ALG11: variants seen among roughly 807,000 people sequenced by gnomAD.
ALG11 encodes GDP-Man:Man(3)GlcNAc(2)-PP-Dol alpha-1,2-mannosyltransferase.
A neutral mutation model predicts 38.8 loss-of-function variants in ALG11; 26 were observed. The ratio of observed to expected loss-of-function variants is 0.67; its 90% confidence interval spans 0.49 to 0.93. The LOEUF is 0.93. Ranked by LOEUF, ALG11 falls within the 40% of genes least tolerant of loss-of-function variation. The pLI, the probability that ALG11 is intolerant of heterozygous loss-of-function variation, is 0.00. For missense variants in ALG11, 535 were observed against 578.8 expected (o/e 0.92, Z 0.78); for synonymous variants, 199 against 211.6 (o/e 0.94, Z 0.52).
At chr13:52,026,710 C>T (rs1269495720) in intron 3 of ALG11, among the ~76,000 whole-genome samples, 2 of 152,172 alleles carry the variant, frequency 1.3e-5, no homozygotes, top group African/African-American at 2.4e-5. Context: ...GAGCAAATGC[C>T]ATTAATGAGC....
rs1391619405 is a variant in ALG11 at position 52,032,366 on chromosome 13, A to C, written c.*3776A>C. 1.2e-5 allele frequency: 2 copies of C among 167,150 alleles called. No individual in the cohort carries two copies. Among genetic ancestry groups the C allele is most frequent in the Non-Finnish European group, 2.9e-5 (2 of 68,134 alleles). The allele number at this position is 167,150 out of a possible 1,614,324, so 10.4% of individuals were successfully genotyped here. On this transcript the variant is annotated 3_prime_UTR_variant, in exon 4 of 4. Transcript: ENST00000521508. ...TAGGCCAGTAGCTAGGAATTGGTAT[A>C]AATTTAATGCACCTTCTATCCTGAA...
chr13:52,026,088 G>A (rs909753922), intron 3 of ALG11, among the ~76,000 whole-genome samples: 7 of 152,234 alleles, frequency 4.6e-5, no homozygotes, highest in Non-Finnish European at 8.8e-5. Flanking sequence ...GTGCCGTGCC[G>A]TGCTGTGCCG....
chr13:52,023,099 A>G (rs1218746146), intron 2 of ALG11: 1 of 152,258 alleles, frequency 6.6e-6, no homozygotes, highest in Non-Finnish European at 1.5e-5. Flanking sequence ...TCTAGCTTTT[A>G]AAGACTTGCA....
At position 52,024,465 on chromosome 13, in the gene ALG11, A is replaced by T. The variant is rs1593903213; in HGVS notation, c.735A>T (p.Gly245=). Residue 245 remains glycine, a synonymous_variant, in exon 3 of 4, where the codon GGA becomes GGT. Transcript: ENST00000521508. The part of the protein sequence containing the change: ...IYYYLFAFIY[G]LVGSCSDVVM... ...ACTATTTATTTGCTTTTATTTATGG[A>T]CTTGTTGGTTCTTGCAGTGATGTAG... is the stretch of plus-strand genomic sequence containing the variant. 6.2e-7 allele frequency: 1 copy of T among 1,614,094 alleles called. No homozygotes were observed. The highest frequency in any genetic ancestry group is 1.7e-5 in the Admixed American group (1 of 60,004).
rs1318405112 is a variant in ALG11 at position 52,033,330 on chromosome 13, A to AAAG, written c.*4741_*4743dup. ...ATTCTTATTTACAGTTGTGTACTATAAAGTGTGTGTTACATAGGTTTTGTG... is the reference window on the plus strand; with the variant it reads ...ATTCTTATTTACAGTTGTGTACTATAAAGAAGTGTGTGTTACATAGGTTTTGTG... On this transcript the variant is annotated 3_prime_UTR_variant, in exon 4 of 4. Transcript: ENST00000521508. 13 of 167,236 alleles carry AAAG rather than the reference A, an allele frequency of 7.8e-5. No homozygotes were observed. The highest frequency in any genetic ancestry group is 5.9e-4 in the Admixed American group (9 of 15,310). The allele number at this position is 167,236 out of a possible 1,614,324, so 10.4% of individuals were successfully genotyped here.
chr13:52,013,837 C>T (rs1384375559), intron 1 of ALG11, among the ~76,000 whole-genome samples: 1 of 152,206 alleles, frequency 6.6e-6, no homozygotes, highest in Non-Finnish European at 1.5e-5. Context: ...CAAGGCCCTT[C>T]AATGGATCCT....
chr13:52,026,989 G>A (rs1315166074), intron 3 of ALG11, among the ~76,000 whole-genome samples: 1 of 152,056 alleles, frequency 6.6e-6, no homozygotes, highest in African/African-American at 2.4e-5. Flanking sequence ...ATGGAGAGGC[G>A]GGGAAAGCCA....
chr13:52,025,032 G>A (rs1360178147), intron 3 of ALG11, 95 bp downstream of exon 3: 79 of 1,365,828 alleles, frequency 5.8e-5, no homozygotes, highest in Non-Finnish European at 7.9e-5. Flanking sequence ...TCTGCATCAT[G>A]CCCTAATTCT....
Position 52,031,003 on chromosome 13 carries a change from A to G in ALG11, c.*2413A>G, listed in dbSNP as rs1395433732. Reference sequence around the variant, plus strand: ...GCCATATCATTAAGCCCATAAAAGCAGAGGATGTGGGCTACCAGTCTTCCT... The same window carrying G: ...GCCATATCATTAAGCCCATAAAAGCGGAGGATGTGGGCTACCAGTCTTCCT... On this transcript the variant is annotated 3_prime_UTR_variant, in exon 4 of 4. Transcript: ENST00000521508. 1.2e-6 allele frequency: 2 copies of G among 1,614,212 alleles called. No individual in the cohort carries two copies. The highest frequency in any genetic ancestry group is 4.5e-5 in the East Asian group (2 of 44,882).
intron 1 of ALG11, 141 bp downstream of exon 1, chr13:52,012,603 T>C (rs1954082547): frequency 8.4e-7 from 1 of 1,188,144 alleles, no homozygotes; most frequent in Non-Finnish European, 1.2e-6. Context: ...GAGCAGTCTT[T>C]CTTTTTCTTG....
At chr13:52,015,782 G>A (rs975941445) in intron 1 of ALG11, 1 of 152,420 alleles carries the variant, frequency 6.6e-6, no homozygotes, top group African/African-American at 2.4e-5. Context: ...TTTGTTCCCA[G>A]TTTCGAGTAT....
At chr13:52,020,228 A>G (rs1954173016) in intron 2 of ALG11, among the ~76,000 whole-genome samples, 1 of 152,180 alleles carries the variant, frequency 6.6e-6, no homozygotes, top group Non-Finnish European at 1.5e-5. Flanking sequence ...TACATCTTTT[A>G]ATATTTGAGG....
rs756963714 is a variant in ALG11 at position 52,030,304 on chromosome 13, A to G, written c.*1714A>G. ...CAGAAGAAGCGGAACCCCTATTGCT[A>G]CAGAGGTCAGAGAGAGTACAAACTC... On this transcript the variant is annotated 3_prime_UTR_variant, in exon 4 of 4. Coordinates refer to ENST00000521508, the MANE Select transcript of ALG11 (RefSeq NM_001004127.3). 11 of 1,614,132 alleles carry G rather than the reference A, an allele frequency of 6.8e-6. No individual in the cohort carries two copies. Among genetic ancestry groups the G allele is most frequent in the Non-Finnish European group, 9.3e-6 (11 of 1,180,048 alleles).
chr13:52,012,657 C>G (rs1188195270), intron 1 of ALG11, among the ~76,000 whole-genome samples, 195 bp downstream of exon 1: 2 of 152,124 alleles, frequency 1.3e-5, no homozygotes, highest in African/African-American at 4.8e-5. Flanking sequence ...CTTAAAGACT[C>G]AATTTACCGC....
chr13:52,031,087 TAAA>T lies in ALG11; in HGVS notation c.*2498_*2500del, dbSNP rs770915585. ...CAAAACGAATCACCACACGTCACAA[TAAA>T]GAAGAAAAACTGTAGGTTGTGTAGC... On this transcript the variant is annotated 3_prime_UTR_variant, in exon 4 of 4. Transcript: ENST00000521508. 21 of 1,611,028 alleles carry T rather than the reference TAAA, an allele frequency of 1.3e-5. No individual in the cohort carries two copies. Among genetic ancestry groups the T allele is most frequent in the Admixed American group, 8.4e-5 (5 of 59,382 alleles).
In ALG11 at chr13:52,033,514, C is replaced by G. The variant is rs776630189; in HGVS notation, c.*4924C>G. On this transcript the variant is annotated 3_prime_UTR_variant, in exon 4 of 4. Coordinates refer to ENST00000521508, the MANE Select transcript of ALG11 (RefSeq NM_001004127.3). The stretch of plus-strand genomic sequence containing the variant: ...CCTTTTATATGCCTCACATAGTCTC[C>G]TTGTTCTCCTACTAATATTCCCAAG... 6 of 166,994 alleles carry G rather than the reference C, an allele frequency of 3.6e-5. No homozygotes were observed. The highest frequency in any genetic ancestry group is 2.6e-4 in the Admixed American group (4 of 15,274). 10.3% of individuals were successfully genotyped at this position (166,994 alleles called of 1,614,324 possible).
intron 2 of ALG11, chr13:52,021,778 T>C (rs988169425): frequency 1.3e-5 from 2 of 152,400 alleles, no homozygotes; most frequent in Non-Finnish European, 2.9e-5. Context: ...CTGGACCTGC[T>C]GGGGGCTGTC....
In ALG11 at chr13:52,031,800, A is replaced by G. The variant is rs369240561; in HGVS notation, c.*3210A>G. ...ATTTACAAACTTCTGACCTTTTGACACTAAAGCTGCTCCTTTATCTTTCTG... is the reference window on the plus strand; with the variant it reads ...ATTTACAAACTTCTGACCTTTTGACGCTAAAGCTGCTCCTTTATCTTTCTG... On this transcript the variant is annotated 3_prime_UTR_variant, in exon 4 of 4. Transcript: ENST00000521508. 3.0e-5 allele frequency: 5 copies of G among 167,120 alleles called. No homozygotes were observed. The highest frequency in any genetic ancestry group is 1.2e-4 in the African/African-American group (5 of 41,456). 10.4% of individuals were successfully genotyped at this position (167,120 alleles called of 1,614,324 possible). A position where few individuals can be genotyped will look rare whatever the true frequency, so the allele number is the denominator to read the frequency against.
chr13:52,030,955 T>TC lies in ALG11; in HGVS notation c.*2368dup, dbSNP rs1330744996. The TC allele has an allele frequency of 1.2e-6, 2 of 1,613,990 alleles. No individual in the cohort carries two copies. Among genetic ancestry groups the TC allele is most frequent in the South Asian group, 2.2e-5 (2 of 91,074 alleles). On this transcript the variant is annotated 3_prime_UTR_variant, in exon 4 of 4. Transcript: ENST00000521508. ...AGAGGGCTTTCCAAAAGCTGACTAC[T>TC]CCCAAGGTCGTCACCAAGCCAGGCC...
Sources: allele counts gnomAD v4.1 joint callset (sites outside exome capture counted in the v4.1 genomes callset), GRCh38; gene constraint gnomAD v4.1.1; transcripts MANE v1.5; gene names NCBI Gene and HGNC (gene_info 2026-07-23, HGNC 2026-07-21).